The following TXNRD2 variants were observed in gnomAD, a reference collection of about 807,000 sequenced individuals.
TXNRD2 encodes the protein thioredoxin reductase 2.
TXNRD2 carries 67 observed loss-of-function variants against 70.8 expected under a neutral mutation model. The ratio of observed to expected loss-of-function variants is 0.95; its 90% CI spans 0.78 to 1.16. The LOEUF is 1.16. TXNRD2 is among the 50% of genes most tolerant of loss of function. The probability of loss-of-function intolerance (pLI) is 0.00; values close to 1 mark genes in which losing one functional copy is unlikely to be tolerated. For missense variants in TXNRD2, 644 were observed against 719.9 expected, an observed-to-expected ratio of 0.89 and a Z score of 1.21; for synonymous variants, 301 against 295.8, an observed-to-expected ratio of 1.02 and a Z score of -0.18.
At chr22:19,889,627 A>AATT (rs71186634) in intron 11 of TXNRD2, among the ~76,000 whole-genome samples, 6,783 of 150,360 alleles carry the variant, frequency 0.045, 387 homozygotes, top group African/African-American at 0.14. Context: ...AACAAAAAAC[A>AATT]ATTATTATTA....
At position 19,889,439 on chromosome 22, in the gene TXNRD2, T is replaced by C. The variant is rs369463989; in HGVS notation, c.949+5968A>G. Among the ~76,000 whole-genome samples the C allele has an allele frequency of 1.0e-3, 152 of 151,862 alleles. 2 individuals are homozygous for C. Among genetic ancestry groups the C allele is most frequent in the African/African-American group, 3.6e-3 (149 of 41,448 alleles). ...CAGCCTGGCTAACACAGTGAAACCC[T>C]GTCTCTACTAAAAATACAAAAATTA... On this transcript the variant is annotated intron_variant, in intron 11 of 17. Coordinates refer to ENST00000400521, the MANE Select transcript of TXNRD2 (RefSeq NM_006440.5).
intron 8 of TXNRD2, chr22:19,902,924 T>G: frequency 1.9e-6 from 1 of 518,534 alleles, no homozygotes; most frequent in South Asian, 1.4e-5. Context: ...AGAAAAATGA[T>G]CGCAGTACCT....
chr22:19,896,770 G>A (rs898219847), intron 10 of TXNRD2, among the ~76,000 whole-genome samples: 7 of 152,224 alleles, frequency 4.6e-5, no homozygotes, highest in African/African-American at 7.2e-5. Flanking sequence ...ACACCTGTGC[G>A]GGTGTGCCAG....
At chr22:19,901,022 C>G (rs932571576) in intron 8 of TXNRD2, among the ~76,000 whole-genome samples, 3 of 152,234 alleles carry the variant, frequency 2.0e-5, no homozygotes, top group African/African-American at 7.2e-5. Flanking sequence ...GCCAACCCTT[C>G]TCCAGGAATG....
At chr22:19,933,807 C>G (rs1256713160) in intron 1 of TXNRD2, among the ~76,000 whole-genome samples, 1 of 152,232 alleles carries the variant, frequency 6.6e-6, no homozygotes, top group Admixed American at 6.5e-5. Flanking sequence ...CACCTGTGCA[C>G]TCCAGTGTCC....
intron 2 of TXNRD2, among the ~76,000 whole-genome samples, chr22:19,929,512 C>T (rs192346770): frequency 4.6e-5 from 7 of 152,084 alleles, no homozygotes; most frequent in African/African-American, 1.4e-4. Context: ...AAAAAGCCAA[C>T]AAAATAAGAG....
At chr22:19,923,868 A>C (rs1941016112) in intron 2 of TXNRD2, among the ~76,000 whole-genome samples, 1 of 108,906 alleles carries the variant, frequency 9.2e-6, no homozygotes, top group African/African-American at 3.6e-5. Flanking sequence ...TTTTTTTTTC[A>C]AATCTTGTGG....
At chr22:19,886,186 A>G (rs2145946424) in intron 11 of TXNRD2, among the ~76,000 whole-genome samples, 1 of 152,304 alleles carries the variant, frequency 6.6e-6, no homozygotes, top group East Asian at 1.9e-4. Flanking sequence ...AGGGCAGCCG[A>G]GGGCACAGTG....
At chr22:19,924,908 T>C (rs1262088187) in intron 2 of TXNRD2, among the ~76,000 whole-genome samples, 1 of 142,586 alleles carries the variant, frequency 7.0e-6, no homozygotes, top group African/African-American at 2.6e-5. Flanking sequence ...GACACTAAGA[T>C]AAAAATAGTA....
chr22:19,918,302 T>G, intron 4 of TXNRD2, 85 bp from the exon 5 acceptor site: 2 of 1,206,900 alleles, frequency 1.7e-6, no homozygotes, highest in Non-Finnish European at 2.4e-6. Flanking sequence ...ATTCAAATGG[T>G]ACATTCATAG....
intron 13 of TXNRD2, 145 bp from the exon 14 acceptor site, chr22:19,880,416 C>A: frequency 1.1e-6 from 1 of 942,372 alleles, no homozygotes. Context: ...ACCCACCTGC[C>A]CACGCCTGCG....
At chr22:19,928,567 T>C (rs1470596212) in intron 2 of TXNRD2, among the ~76,000 whole-genome samples, 2 of 152,022 alleles carry the variant, frequency 1.3e-5, no homozygotes, top group Non-Finnish European at 2.9e-5. Flanking sequence ...GATGCAGAAG[T>C]GGGGGAAGCC....
rs535299458 is a variant in TXNRD2 at position 19,921,257 on chromosome 22, A to G, written c.173-1658T>C. 2.0e-5 allele frequency among the ~76,000 whole-genome samples: 3 copies of G among 152,190 alleles called. No individual in the cohort carries two copies. In the South Asian group the frequency reaches 6.2e-4, roughly 32 times the overall value. ...TAGCAAAACCCTGTCTCTACAAAAA[A>G]TACAAAAATTAGCTGGGTGTGGTGG... On this transcript the variant is annotated intron_variant, in intron 2 of 17. Coordinates refer to ENST00000400521, the MANE Select transcript of TXNRD2 (RefSeq NM_006440.5).
chr22:19,913,134 G>A (rs1222183384), intron 7 of TXNRD2, among the ~76,000 whole-genome samples: 1 of 151,954 alleles, frequency 6.6e-6, no homozygotes, highest in Non-Finnish European at 1.5e-5. Flanking sequence ...CTCACCCCGG[G>A]GCCCCTTCCT....
chr22:19,881,151 T>C lies in TXNRD2; in HGVS notation c.1087-434A>G, dbSNP rs2145934249. On this transcript the variant is annotated intron_variant, in intron 12 of 17. Transcript: ENST00000400521. ...GTTCCATGTGCTCCTGACGTGCAGC[T>C]TGATCTGCACGTCACAGTCCATAAC... The C allele has an allele frequency of 1.1e-5, 5 of 440,818 alleles. No homozygotes were observed. In the East Asian group the frequency reaches 1.6e-4, roughly 14 times the overall value. 27.3% of individuals were successfully genotyped at this position (440,818 alleles called of 1,614,324 possible).
At chr22:19,888,569 C>T (rs1308922224) in intron 11 of TXNRD2, among the ~76,000 whole-genome samples, 1 of 152,256 alleles carries the variant, frequency 6.6e-6, no homozygotes, top group Admixed American at 6.5e-5. Context: ...AGCAGGAGTA[C>T]AGCAGGGTGA....
intron 11 of TXNRD2, among the ~76,000 whole-genome samples, chr22:19,892,364 C>T (rs1407968943): frequency 1.3e-5 from 2 of 152,284 alleles, no homozygotes; most frequent in Non-Finnish European, 2.9e-5. Context: ...CCCCAGCAGG[C>T]GCGCAGAAGC....
At chr22:19,886,925 G>T (rs1939058903) in intron 11 of TXNRD2, among the ~76,000 whole-genome samples, 1 of 152,202 alleles carries the variant, frequency 6.6e-6, no homozygotes, top group Non-Finnish European at 1.5e-5. Flanking sequence ...AGTTCCTGGG[G>T]CAGACCCTCA....
chr22:19,924,732 C>T (rs2146069759), intron 2 of TXNRD2, among the ~76,000 whole-genome samples: 1 of 152,130 alleles, frequency 6.6e-6, no homozygotes, highest in South Asian at 2.1e-4. Context: ...AAATGAAACG[C>T]AGAGTAAGAA....
Sources: allele counts gnomAD v4.1 joint callset (sites outside exome capture counted in the v4.1 genomes callset), GRCh38; gene constraint gnomAD v4.1.1; transcripts MANE v1.5; gene names NCBI Gene and HGNC (gene_info 2026-07-23, HGNC 2026-07-21).